Variants in PLTP observed in about 807,000 individuals in gnomAD.
PLTP encodes the protein BPI fold containing family E.
In PLTP, 43 loss-of-function variants were observed where a neutral mutation model predicts 54.1. That is an observed-to-expected ratio of 0.79 (90% confidence interval 0.62 to 1.02). PLTP has a LOEUF of 1.02. PLTP is among the 50% of genes least tolerant of loss of function. PLTP has a pLI of 0.00. For missense variants in PLTP, 604 were observed against 645.9 expected (o/e 0.94, Z 0.70); for synonymous variants, 263 against 264.6 (o/e 0.99, Z 0.06).
chr20:45,909,958 G>A lies in PLTP; in HGVS notation c.313C>T (p.Leu105=). Residue 105 remains leucine (L), a synonymous_variant, in exon 4 of 16, where the codon CTG becomes TTG. Transcript: ENST00000372431. ...GGTCCTTACAAGAACCAGTAGAGCAGCTGTCTCCGGAAGCGCAGCCCCAAG... is the reference window on the plus strand; with the variant it reads ...GGTCCTTACAAGAACCAGTAGAGCAACTGTCTCCGGAAGCGCAGCCCCAAG... ...ASLGLRFRRQ[L]LYWFFYDGGY... 6.2e-7 allele frequency: 1 copy of A among 1,614,130 alleles called. No individual in the cohort carries two copies. Among genetic ancestry groups the A allele is most frequent in the East Asian group, 2.2e-5 (1 of 44,882 alleles).
chr20:45,898,624 G>C lies in PLTP; in HGVS notation c.*317C>G, dbSNP rs2083140642. ...CCCAGGGTCTCCCATAGACAGCCTGGGGGCAAGTTAGCACTTTATTCCCGC... is the reference window on the plus strand; with the variant it reads ...CCCAGGGTCTCCCATAGACAGCCTGCGGGCAAGTTAGCACTTTATTCCCGC... On this transcript the variant is annotated 3_prime_UTR_variant, in exon 16 of 16. Transcript: ENST00000372431. This position sits in a 1 kb window ranked among gnomAD's most constrained non-coding sequence, Gnocchi z 4.6. 1.3e-6 allele frequency: 1 copy of C among 746,472 alleles called. No individual in the cohort carries two copies. Among genetic ancestry groups the C allele is most frequent in the Admixed American group, 2.1e-5 (1 of 48,470 alleles). The allele number at this position is 746,472 out of a possible 1,614,324, so 46.2% of individuals were successfully genotyped here.
At chr20:45,902,863 C>T (rs1250629546) in intron 10 of PLTP, among the ~76,000 whole-genome samples, 1 of 152,226 alleles carries the variant, frequency 6.6e-6, no homozygotes, top group Non-Finnish European at 1.5e-5. Flanking sequence ...CCAATCCAGA[C>T]TCTTTGTGGA....
Position 45,904,875 on chromosome 20 carries a change from A to G in PLTP, c.883-16T>C, listed in dbSNP as rs767665877. 6 of 1,614,218 alleles carry G rather than the reference A, an allele frequency of 3.7e-6. No homozygotes were observed. The highest frequency in any genetic ancestry group is 4.2e-6 in the Non-Finnish European group (5 of 1,180,006). Reference sequence around the variant, plus strand: ...CGTGGGGCACCTGAACAGGGGAATCAGGAGTGAGGGAGTGAGCTCTGTCAC... The same window carrying G: ...CGTGGGGCACCTGAACAGGGGAATCGGGAGTGAGGGAGTGAGCTCTGTCAC... On this transcript the variant is annotated splice_polypyrimidine_tract_variant and intron_variant, in intron 9 of 15. Coordinates refer to ENST00000372431, the MANE Select transcript of PLTP (RefSeq NM_006227.4).
chr20:45,910,517 A>G (rs1205648372), intron 3 of PLTP, among the ~76,000 whole-genome samples: 1 of 151,724 alleles, frequency 6.6e-6, no homozygotes, highest in Non-Finnish European at 1.5e-5. Flanking sequence ...CGGGAGGCTG[A>G]GGCAGGAAAA....
At chr20:45,910,757 C>T (rs1252793836) in intron 3 of PLTP, 13 of 931,588 alleles carry the variant, frequency 1.4e-5, no homozygotes, top group Admixed American at 4.2e-5. Context: ...TTCCTTATTC[C>T]CCCTCCCTCA....
In PLTP at chr20:45,909,386, G is replaced by A. The variant is rs978059279; in HGVS notation, c.485+130C>T. 7 of 938,536 alleles carry A rather than the reference G, an allele frequency of 7.5e-6. No homozygotes were observed. The African/African-American group carries it at 1.2e-4, about 16-fold the overall frequency. 58.1% of individuals were successfully genotyped at this position (938,536 alleles called of 1,614,324 possible). The stretch of plus-strand genomic sequence containing the variant: ...TCAGTGACTTGGCCACGTTCACACA[G>A]CCAGGAAGTGACAGAGCTGAGCTTT... On this transcript the variant is annotated intron_variant, in intron 5 of 15. Coordinates refer to ENST00000372431, the MANE Select transcript of PLTP (RefSeq NM_006227.4).
rs763587830 is a variant in PLTP at position 45,911,151 on chromosome 20, C to T, written c.200+1G>A. On this transcript the variant is annotated splice_donor_variant, in intron 3 of 15. Coordinates refer to ENST00000372431, the MANE Select transcript of PLTP (RefSeq NM_006227.4). LOFTEE classifies it high-confidence loss of function. Reference sequence around the variant, plus strand: ...ATCGCGAGGCCCCGCCCCCCACTTACTCAGAGATGTTGTAGTAGAAGTGGC... The same window carrying T: ...ATCGCGAGGCCCCGCCCCCCACTTATTCAGAGATGTTGTAGTAGAAGTGGC... 3 of 1,613,326 alleles carry T rather than the reference C, an allele frequency of 1.9e-6. No individual in the cohort carries two copies. The South Asian group carries it at 3.3e-5, about 18-fold the overall frequency.
Position 45,902,269 on chromosome 20 carries a change from G to A in PLTP, c.1173C>T (p.Arg391=), listed in dbSNP as rs144099277. The A allele has an allele frequency of 5.6e-6, 9 of 1,613,746 alleles. No homozygotes were observed. The Admixed American group carries it at 8.3e-5, about 15-fold the overall frequency. ...TGCAGGGAAGTGCGCCTGCCTACCT[G>A]CGCAGGTCCAGCTGCGTGCGCAGGG... ...GKALRTQLDL[R]RFRIYSNHSA... Residue 391 remains arginine, a splice_region_variant and synonymous_variant, in exon 12 of 16, where the codon CGC becomes CGT. Transcript: ENST00000372431.
In PLTP at chr20:45,899,532, G is replaced by C; in HGVS notation, c.1289C>G (p.Thr430Ser). Residue 430 changes from threonine to serine, a missense_variant, in exon 15 of 16, where the codon ACC (threonine) becomes AGC (serine). By Grantham distance (58) the Thr-to-Ser change is moderately conservative. Transcript: ENST00000372431. ...TAGTGGGATCTGCACCCCACGCCAG[G>C]TCCGCTCTGTGGGTGGGAGCACCCC... Reference protein sequence around the residue: ...IGVMPMLNERTWRGVQIPLPE... With the variant: ...IGVMPMLNERSWRGVQIPLPE... 6.2e-7 allele frequency: 1 copy of C among 1,614,152 alleles called. No homozygotes were observed. The highest frequency in any genetic ancestry group is 8.5e-7 in the Non-Finnish European group (1 of 1,180,022).
intron 12 of PLTP, among the ~76,000 whole-genome samples, chr20:45,901,769 G>C (rs927384797): frequency 5.9e-5 from 9 of 151,806 alleles, no homozygotes; most frequent in African/African-American, 2.2e-4. Flanking sequence ...GGGCGTGGTG[G>C]CGCACACCTG....
At chr20:45,911,111 G>A (rs372281127) in intron 3 of PLTP, 41 bp downstream of exon 3, 9 of 1,611,018 alleles carry the variant, frequency 5.6e-6, no homozygotes, top group South Asian at 4.4e-5. Flanking sequence ...CTCCACCGCC[G>A]AGGCCCCGCC....
rs2083196236 is a variant in PLTP, at chr20:45,902,486, A to G, written c.1061T>C (p.Leu354Pro). Residue 354 changes from leucine (L) to proline (P), a missense_variant, in exon 11 of 16, where the codon CTG becomes CCG. Physicochemically the swap from Leu to Pro is moderately conservative, Grantham distance 98. Transcript: ENST00000372431. ...GACCTCAGGCTGGTCTGGTGGGACC[A>G]GGGCAATGGTGACGCTAGCAGTGAC... ...ISVTASVTIA[L>P]VPPDQPEVQL... The G allele has an allele frequency of 5.0e-6, 8 of 1,614,222 alleles. No individual in the cohort carries two copies. Among genetic ancestry groups the G allele is most frequent in the Non-Finnish European group, 6.8e-6 (8 of 1,180,018 alleles).
At chr20:45,899,172 T>C (rs2083148804) in intron 15 of PLTP, 109 bp from the exon 16 acceptor site, 1 of 1,483,050 alleles carries the variant, frequency 6.7e-7, no homozygotes, top group Non-Finnish European at 9.3e-7. Flanking sequence ...TAATGGATAA[T>C]TCCATGTCAA....
chr20:45,910,160 G>T (rs2145841663), intron 3 of PLTP, 90 bp from the exon 4 acceptor site: 1 of 1,444,794 alleles, frequency 6.9e-7, no homozygotes, highest in East Asian at 2.3e-5. Flanking sequence ...TTCAAGTCCA[G>T]GCCTGGGGAA....
rs1369491104 is a variant in PLTP, at chr20:45,902,343, A to G, written c.1108-9T>C. On this transcript the variant is annotated splice_polypyrimidine_tract_variant and intron_variant, in intron 11 of 15. Coordinates refer to ENST00000372431, the MANE Select transcript of PLTP (RefSeq NM_006227.4). Reference sequence around the variant, plus strand: ...GCGCTGAGACGGGCGTCCTGCAGGAACATGGGGAGGAGGATGTTACTGACC... The same window carrying G: ...GCGCTGAGACGGGCGTCCTGCAGGAGCATGGGGAGGAGGATGTTACTGACC... 6.2e-7 allele frequency: 1 copy of G among 1,614,196 alleles called. No homozygotes were observed. Among genetic ancestry groups the G allele is most frequent in the South Asian group, 1.1e-5 (1 of 91,084 alleles).
At chr20:45,911,777 C>G in intron 1 of PLTP, 1 of 459,742 alleles carries the variant, frequency 2.2e-6, no homozygotes, top group Non-Finnish European at 4.0e-6. Context: ...CCTCCCCTTT[C>G]CTTTAGCGGT....
intron 7 of PLTP, 78 bp downstream of exon 7, chr20:45,907,614 A>G: frequency 7.3e-7 from 1 of 1,377,906 alleles, no homozygotes; most frequent in Non-Finnish European, 1.0e-6. Flanking sequence ...GGACTGTTCA[A>G]CAGCAGGGCT....
At chr20:45,900,013 C>G (rs2083166151) in intron 12 of PLTP, 135 bp from the exon 13 acceptor site, 1 of 734,374 alleles carries the variant, frequency 1.4e-6, no homozygotes, top group Non-Finnish European at 2.4e-6. Context: ...AGTGCTACAA[C>G]TTTCCAGGTA....
chr20:45,906,892 A>G (rs1214339412), intron 7 of PLTP, among the ~76,000 whole-genome samples: 1 of 80,624 alleles, frequency 1.2e-5, no homozygotes, highest in Non-Finnish European at 2.5e-5. Context: ...CTCCATCTCA[A>G]AAAAAAAAAA....
Sources: gnomAD v4.1 joint callset for allele counts (sites outside exome capture counted in the v4.1 genomes callset) on GRCh38, gnomAD v4.1.1 for gene constraint, Gnocchi (gnomAD v3.1) non-coding constraint, MANE v1.5 for transcripts, NCBI Gene and HGNC (gene_info 2026-07-23, HGNC 2026-07-21) for gene names.